Variants in OPA3 observed in about 807,000 individuals in gnomAD.
The protein encoded by OPA3 is optic atrophy 3 protein.
OPA3 carries 6 observed loss-of-function variants against 4.0 expected under a neutral mutation model. The ratio of observed to expected loss-of-function variants is 1.51; its 90% confidence interval spans 0.83 to 2.99. The LOEUF is 2.99. OPA3 is among the 30% of genes most tolerant of loss of function. OPA3 has a pLI of 0.00. For missense variants in OPA3, 235 were observed against 256.2 expected, an observed-to-expected ratio of 0.92 and a Z score of 0.56; for synonymous variants, 105 against 117.1, an observed-to-expected ratio of 0.90 and a Z score of 0.67.
At chr19:45,579,689 C>G (rs1010480250) in intron 1 of OPA3, among the ~76,000 whole-genome samples, 3 of 152,038 alleles carry the variant, frequency 2.0e-5, no homozygotes, top group South Asian at 2.1e-4. Context: ...TAATCCTCAC[C>G]ACAACACAAT....
At chr19:45,534,946 T>C (rs981614579) in intron 1 of OPA3, among the ~76,000 whole-genome samples, 6 of 152,188 alleles carry the variant, frequency 3.9e-5, no homozygotes, top group African/African-American at 1.4e-4. Flanking sequence ...TCCTTTTTCT[T>C]AAGTTGGTAA....
intron 1 of OPA3, among the ~76,000 whole-genome samples, chr19:45,577,950 G>A (rs1433048836): frequency 1.3e-5 from 2 of 152,242 alleles, no homozygotes; most frequent in Non-Finnish European, 2.9e-5. Context: ...GGGGCAGAGA[G>A]TAAATATTTT....
chr19:45,564,904 C>A (rs929902944), intron 1 of OPA3, among the ~76,000 whole-genome samples: 7 of 152,102 alleles, frequency 4.6e-5, no homozygotes, highest in African/African-American at 9.7e-5. Flanking sequence ...AAATTAAAAT[C>A]AAAAATTTCA....
At position 45,584,776 on chromosome 19, in the gene OPA3, C is replaced by G; in HGVS notation, c.-12G>C. 6.2e-7 allele frequency: 1 copy of G among 1,613,350 alleles called. No individual in the cohort carries two copies. The highest frequency in any genetic ancestry group is 8.5e-7 in the Non-Finnish European group (1 of 1,179,970). ...GCGCCCACCACCATCTTGGCGGTCT[C>G]ACAGGGCACGCGCAACCTTGCTGAC... On this transcript the variant is annotated 5_prime_UTR_variant, in exon 1 of 2. Coordinates refer to ENST00000263275, the MANE Select transcript of OPA3 (RefSeq NM_025136.4).
At chr19:45,535,071 C>T (rs373807550) in intron 1 of OPA3, among the ~76,000 whole-genome samples, 2 of 152,066 alleles carry the variant, frequency 1.3e-5, no homozygotes, top group Admixed American at 1.3e-4. Context: ...AATTAATTTG[C>T]AGGTTCCCAA....
intron 1 of OPA3, among the ~76,000 whole-genome samples, chr19:45,564,995 G>C (rs1470316363): frequency 6.6e-6 from 1 of 151,974 alleles, no homozygotes; most frequent in Non-Finnish European, 1.5e-5. Context: ...GGGAGACCGA[G>C]GTGGGCGGAT....
Position 45,549,393 on chromosome 19 carries a change from A to C in OPA3, c.*4121T>G. 1 of 984,998 alleles carries C rather than the reference A, an allele frequency of 1.0e-6. No homozygotes were observed. Among genetic ancestry groups the C allele is most frequent in the Non-Finnish European group, 1.2e-6 (1 of 829,870 alleles). The allele number at this position is 984,998 out of a possible 1,614,324, so 61.0% of individuals were successfully genotyped here. A position where few individuals can be genotyped will look rare whatever the true frequency, so the allele number is the denominator to read the frequency against. ...CAGGGCAGGGCAGGGCTGAGTGCGAAGTCTCTGAGATGTGAGAGCAGCACT... is the reference window on the plus strand; with the variant it reads ...CAGGGCAGGGCAGGGCTGAGTGCGACGTCTCTGAGATGTGAGAGCAGCACT... On this transcript the variant is annotated 3_prime_UTR_variant, in exon 2 of 2. Transcript: ENST00000263275.
At chr19:45,527,674 G>A (rs1241553362) in exon 2 of OPA3, 3 of 152,122 alleles carry the variant, frequency 2.0e-5, no homozygotes, top group Admixed American at 2.0e-4. Context: ...CTCTTAAAGT[G>A]CTGGAATTAC....
chr19:45,581,224 C>T (rs1424546990), intron 1 of OPA3, among the ~76,000 whole-genome samples: 1 of 152,126 alleles, frequency 6.6e-6, no homozygotes, highest in Non-Finnish European at 1.5e-5. Context: ...AGAGCTGCAG[C>T]CCCAACAAAG....
At chr19:45,538,512 G>T (rs2215516) in intron 1 of OPA3, among the ~76,000 whole-genome samples, 47 of 152,230 alleles carry the variant, frequency 3.1e-4, no homozygotes, top group African/African-American at 1.1e-3. Flanking sequence ...CTTGAGGTCA[G>T]AAGTTCGAGA....
In OPA3 at chr19:45,559,363, T is replaced by A. The variant is rs189334825; in HGVS notation, c.143-5452A>T. On this transcript the variant is annotated intron_variant, in intron 1 of 1. Transcript: ENST00000263275. ...TCTTTCTTTCTTTTCTTTTCTTTCT[T>A]TCTCTTCTCTCTCTTCTTTCCCTCT... 5.8e-3 allele frequency among the ~76,000 whole-genome samples: 886 copies of A among 151,500 alleles called. 7 individuals carry two copies. Among genetic ancestry groups the A allele is most frequent in the African/African-American group, 0.02 (837 of 41,300 alleles).
Position 45,584,609 on chromosome 19 carries a change from C to A in OPA3, c.142+14G>T. On this transcript the variant is annotated intron_variant, in intron 1 of 1. Coordinates refer to ENST00000263275, the MANE Select transcript of OPA3 (RefSeq NM_025136.4). ...GAAAGGAAAAAGGTTGGAGGGAATT[C>A]GGGTCAGACTCACGTTGAGCCGGCG... is the stretch of plus-strand genomic sequence containing the variant. The A allele has an allele frequency of 1.9e-6, 3 of 1,614,168 alleles. No homozygotes were observed. Among genetic ancestry groups the A allele is most frequent in the Non-Finnish European group, 2.5e-6 (3 of 1,180,026 alleles).
intron 1 of OPA3, among the ~76,000 whole-genome samples, chr19:45,577,810 C>CA (rs59157666): frequency 0.43 from 65,924 of 151,904 alleles, 17,522 homozygotes; most frequent in African/African-American, 0.74. Context: ...TGAATCCAAT[C>CA]GGGGAAGCAA....
chr19:45,576,492 C>T (rs1384116033), intron 1 of OPA3, among the ~76,000 whole-genome samples: 2 of 151,396 alleles, frequency 1.3e-5, no homozygotes, highest in African/African-American at 4.9e-5. Context: ...GAGTTGAGAT[C>T]GTGCCACTGC....
intron 1 of OPA3, among the ~76,000 whole-genome samples, chr19:45,530,210 C>T (rs1205636352): frequency 6.6e-6 from 1 of 152,048 alleles, no homozygotes; most frequent in African/African-American, 2.4e-5. Context: ...AAAAATTAGC[C>T]GGGCGTGATA....
intron 1 of OPA3, among the ~76,000 whole-genome samples, chr19:45,540,314 C>T (rs149108555): frequency 6.1e-5 from 9 of 148,328 alleles, no homozygotes; most frequent in African/African-American, 2.0e-4. Context: ...GAGACTCTGT[C>T]TCAAAAAAAA....
Position 45,551,027 on chromosome 19 carries a change from C to A in OPA3, c.*2487G>T. ...CCAGGCTGGAGTGTAGTGGCGCGAT[C>A]ACGGCTCGCTGCAGCCTCGACCTCC... On this transcript the variant is annotated 3_prime_UTR_variant, in exon 2 of 2. Coordinates refer to ENST00000263275, the MANE Select transcript of OPA3 (RefSeq NM_025136.4). The A allele has an allele frequency of 1.1e-6, 1 of 891,968 alleles. No individual in the cohort carries two copies. The highest frequency in any genetic ancestry group is 5.1e-5 in the South Asian group (1 of 19,488). The allele number at this position is 891,968 out of a possible 1,614,324, so 55.3% of individuals were successfully genotyped here.
At chr19:45,529,534 C>A (rs1039750033) in intron 1 of OPA3, 2 of 1,551,788 alleles carry the variant, frequency 1.3e-6, no homozygotes, top group Non-Finnish European at 1.8e-6. Flanking sequence ...CTTCGATGTC[C>A]CCGTTGTAGC....
rs1165606483 is a variant in OPA3 at position 45,548,896 on chromosome 19, C to T, written c.*4618G>A. Reference sequence around the variant, plus strand: ...TCGGCTCACTGCAACCTCCGCCTCCCGGGTCCAAGAGATTCTCCTGCCTCA... The same window carrying T: ...TCGGCTCACTGCAACCTCCGCCTCCTGGGTCCAAGAGATTCTCCTGCCTCA... On this transcript the variant is annotated 3_prime_UTR_variant, in exon 2 of 2. Coordinates refer to ENST00000263275, the MANE Select transcript of OPA3 (RefSeq NM_025136.4). 4.1e-5 allele frequency: 16 copies of T among 388,510 alleles called. No individual in the cohort carries two copies. The highest frequency in any genetic ancestry group is 1.1e-4 in the South Asian group (1 of 9,480). 24.1% of individuals were successfully genotyped at this position (388,510 alleles called of 1,614,324 possible).
Sources: allele counts gnomAD v4.1 joint callset (sites outside exome capture counted in the v4.1 genomes callset), GRCh38; gene constraint gnomAD v4.1.1; transcripts MANE v1.5; gene names NCBI Gene and HGNC (gene_info 2026-07-23, HGNC 2026-07-21).